The following CSMD1 variants were observed in gnomAD, a reference collection of about 807,000 sequenced individuals.
CSMD1 encodes CUB and Sushi multiple domains 1, also known as CUB and sushi domain-containing protein 1.
Under a neutral mutation model 417.5 loss-of-function variants are expected in CSMD1, and 213 were observed. The observed-to-expected ratio is 0.51, with a 90% confidence interval of 0.46 to 0.57. CSMD1 has a LOEUF of 0.57. Ranked by LOEUF, CSMD1 falls within the 20% of genes least tolerant of loss-of-function variation. The pLI is 0.00. For missense variants in CSMD1, 6,923 were observed against 4,529.7 expected, an observed-to-expected ratio of 1.53 and a Z score of -15.17; for synonymous variants, 2,862 against 1,736.8, an observed-to-expected ratio of 1.65 and a Z score of -16.11.
intron 5 of CSMD1, among the ~76,000 whole-genome samples, chr8:3,881,847 C>T (rs1806228363): frequency 6.6e-6 from 1 of 151,850 alleles, no homozygotes; most frequent in South Asian, 2.1e-4. Flanking sequence ...CTGCTCAGGG[C>T]AAGGGGAAAA....
At chr8:3,292,377 A>G (rs1359935874) in intron 25 of CSMD1, among the ~76,000 whole-genome samples, 4 of 151,986 alleles carry the variant, frequency 2.6e-5, no homozygotes. Flanking sequence ...ATTCCTGGGT[A>G]TCCTTGTTAA....
At chr8:3,703,785 T>C (rs1801008467) in intron 7 of CSMD1, among the ~76,000 whole-genome samples, 1 of 152,062 alleles carries the variant, frequency 6.6e-6, no homozygotes, top group African/African-American at 2.4e-5. Context: ...TAAACTTAAC[T>C]CTCAGCTGGG....
intron 1 of CSMD1, among the ~76,000 whole-genome samples, chr8:4,871,362 G>A (rs1252374080): frequency 1.3e-5 from 2 of 151,944 alleles, no homozygotes; most frequent in African/African-American, 4.8e-5. Context: ...GATATAAATG[G>A]CATTTCCAAA....
At chr8:4,321,765 G>A (rs116542638) in intron 3 of CSMD1, among the ~76,000 whole-genome samples, 1,918 of 152,220 alleles carry the variant, frequency 0.013, 41 homozygotes, top group African/African-American at 0.044. Flanking sequence ...CAAAAAGGAT[G>A]CTTTGAAAAT....
At chr8:4,221,640 CCT>C (rs994747398) in intron 3 of CSMD1, among the ~76,000 whole-genome samples, 60 of 152,046 alleles carry the variant, frequency 3.9e-4, no homozygotes, top group African/African-American at 1.4e-3. Context: ...TTTCACATCC[CCT>C]GACACCATCC....
chr8:4,099,977 A>G (rs1412017998), intron 3 of CSMD1, among the ~76,000 whole-genome samples: 2 of 152,196 alleles, frequency 1.3e-5, no homozygotes, highest in African/African-American at 4.8e-5. Context: ...TTCCTAATAC[A>G]GTTGTCTAAA....
At chr8:3,843,682 G>T (rs986715943) in intron 5 of CSMD1, among the ~76,000 whole-genome samples, 1 of 152,200 alleles carries the variant, frequency 6.6e-6, no homozygotes, top group African/African-American at 2.4e-5. Flanking sequence ...AGTGACGGGA[G>T]CCCACAGTGG....
chr8:3,710,066 T>C (rs926553605), intron 6 of CSMD1, among the ~76,000 whole-genome samples: 6 of 152,090 alleles, frequency 3.9e-5, no homozygotes, highest in African/African-American at 1.4e-4. Context: ...CATAAACAGT[T>C]ACTTAACATA....
intron 3 of CSMD1, among the ~76,000 whole-genome samples, chr8:4,199,029 G>C (rs767052385): frequency 1.3e-4 from 20 of 151,874 alleles, no homozygotes; most frequent in South Asian, 4.2e-4. Flanking sequence ...AATCCCCTAT[G>C]TACAGTGAGC....
intron 2 of CSMD1, among the ~76,000 whole-genome samples, chr8:4,500,308 C>G (rs140029005): frequency 6.6e-6 from 1 of 152,184 alleles, no homozygotes; most frequent in African/African-American, 2.4e-5. Context: ...GCATAGGTTA[C>G]CAGGGATATT....
intron 3 of CSMD1, among the ~76,000 whole-genome samples, chr8:4,301,407 G>A (rs373752179): frequency 6.6e-6 from 1 of 152,142 alleles, no homozygotes; most frequent in Admixed American, 6.5e-5. Context: ...GTGTCTCCAG[G>A]ATGGTACTGG....
intron 7 of CSMD1, among the ~76,000 whole-genome samples, chr8:3,701,358 T>A (rs893633878): frequency 6.6e-6 from 1 of 152,098 alleles, no homozygotes; most frequent in Non-Finnish European, 1.5e-5. Context: ...TGACTTCTCT[T>A]TTTCTTTGTC....
intron 1 of CSMD1, among the ~76,000 whole-genome samples, chr8:4,887,853 C>G (rs867322705): frequency 1.4e-4 from 22 of 151,954 alleles, no homozygotes; most frequent in African/African-American, 4.6e-4. Flanking sequence ...GCCACTCCAG[C>G]TTTTGCATGA....
intron 50 of CSMD1, among the ~76,000 whole-genome samples, chr8:3,031,974 G>GTGTA (rs1554494092): frequency 2.5e-4 from 36 of 146,644 alleles, no homozygotes; most frequent in African/African-American, 4.7e-4. Flanking sequence ...GTATGTGTGT[G>GTGTA]TATATATATA....
rs74628457 is a variant in CSMD1, at chr8:3,719,941, G to A, written c.932-11450C>T. Among the ~76,000 whole-genome samples, 679 of 152,250 alleles carry A rather than the reference G, an allele frequency of 4.5e-3. 3 individuals are homozygous for A. Among genetic ancestry groups the A allele is most frequent in the African/African-American group, 0.016 (655 of 41,532 alleles). On this transcript the variant is annotated intron_variant, in intron 6 of 69. Transcript: ENST00000635120. ...TGCCTCTAAATCGCAGATTCCTCGT[G>A]TGTTTAATAAAGATGATCACCACCT...
intron 5 of CSMD1, among the ~76,000 whole-genome samples, chr8:3,837,701 A>G (rs1802800471): frequency 6.6e-6 from 1 of 152,126 alleles, no homozygotes; most frequent in Admixed American, 6.6e-5. Context: ...GAAGAGTAAT[A>G]GAGGTTGAGA....
chr8:4,836,708 T>C (rs891204640), intron 1 of CSMD1, among the ~76,000 whole-genome samples: 4 of 152,074 alleles, frequency 2.6e-5, no homozygotes, highest in Non-Finnish European at 1.5e-5. Context: ...CTTTCTATCA[T>C]GGAGCAAAGA....
At chr8:4,137,094 T>A (rs1280033192) in intron 3 of CSMD1, among the ~76,000 whole-genome samples, 1 of 152,202 alleles carries the variant, frequency 6.6e-6, no homozygotes, top group African/African-American at 2.4e-5. Context: ...TGTCTGCTTA[T>A]TTTGGGAGAA....
intron 12 of CSMD1, among the ~76,000 whole-genome samples, chr8:3,457,525 C>T (rs535405811): frequency 2.0e-5 from 3 of 152,286 alleles, no homozygotes; most frequent in African/African-American, 2.4e-5. Flanking sequence ...CCGCATGCCA[C>T]GCCTGGCCGT....
Sources: allele counts gnomAD v4.1 joint callset (sites outside exome capture counted in the v4.1 genomes callset), GRCh38; gene constraint gnomAD v4.1.1; transcripts MANE v1.5; gene names NCBI Gene and HGNC (gene_info 2026-07-23, HGNC 2026-07-21).